Variants in PLXNA4 observed in about 807,000 individuals in gnomAD.
The protein encoded by PLXNA4 is plexin A4, also known as plexin-A4.
Under a neutral mutation model 191.8 loss-of-function variants are expected in PLXNA4, and 44 were observed. The observed-to-expected ratio is 0.23, with a 90% CI of 0.18 to 0.29. The LOEUF (loss-of-function observed/expected upper bound fraction) is 0.29. Ranked by LOEUF, PLXNA4 falls within the 10% of genes least tolerant of loss-of-function variation. The pLI, the probability that PLXNA4 is intolerant of heterozygous loss-of-function variation, is 1.00. For missense variants in PLXNA4, 1,800 were observed against 2,488.8 expected (o/e 0.72, Z 5.89); for synonymous variants, 1,082 against 1,009.5 (o/e 1.07, Z -1.36).
chr7:132,231,436 A>G (rs1249630050), intron 5 of PLXNA4, among the ~76,000 whole-genome samples: 1 of 151,856 alleles, frequency 6.6e-6, no homozygotes, highest in Non-Finnish European at 1.5e-5. Context: ...TTTTATTTTT[A>G]TTTTTTGAGA....
rs1311822845 is a variant in PLXNA4, at chr7:132,268,679, C to T, written c.1504-27513G>A. Among the ~76,000 whole-genome samples, 9 of 152,328 alleles carry T rather than the reference C, an allele frequency of 5.9e-5. No homozygotes were observed. The South Asian group carries it at 6.2e-4, about 11-fold the overall frequency. ...TATGGACTAATCTACTCCCACATGA[C>T]ATCTCAGACTGCTGGTGCCTCCAGG... is the stretch of plus-strand genomic sequence containing the variant. On this transcript the variant is annotated intron_variant, in intron 4 of 31. Coordinates refer to ENST00000321063, the MANE Select transcript of PLXNA4 (RefSeq NM_020911.2).
At chr7:132,339,854 C>A (rs1283712598) in intron 3 of PLXNA4, among the ~76,000 whole-genome samples, 2 of 152,122 alleles carry the variant, frequency 1.3e-5, no homozygotes, top group East Asian at 3.9e-4. Context: ...CTGGAAGTTT[C>A]TTTATAAAAA....
chr7:132,463,775 T>C (rs1222486605), intron 3 of PLXNA4, among the ~76,000 whole-genome samples: 2 of 152,222 alleles, frequency 1.3e-5, no homozygotes, highest in African/African-American at 4.8e-5. Flanking sequence ...ACAAAGATGC[T>C]GCAAGCCACC....
Position 132,489,378 on chromosome 7 carries a change from T to C in PLXNA4, c.1285A>G (p.Arg429Gly). ...GCGATGACAGACGTCATGCGGTCCC[T>C]GTCCTCCGTGAAGACGGGAATTCCA... ...VRGIPVFTED[R>G]DRMTSVIAYV... The change falls in exon 3 of 32, where the codon AGG becomes GGG. Residue 429 changes from arginine to glycine, a missense_variant. Arg to Gly is a moderately radical substitution (Grantham distance 125, BLOSUM62 -2). This residue lies in a region of PLXNA4 where 1,397 missense variants were observed against 1,880.4 expected (regional missense o/e 0.74). Transcript: ENST00000321063. 2 of 1,607,470 alleles carry C rather than the reference T, an allele frequency of 1.2e-6. No homozygotes were observed. The highest frequency in any genetic ancestry group is 1.7e-6 in the Non-Finnish European group (2 of 1,174,324).
At chr7:132,469,876 C>A (rs1796868161) in intron 3 of PLXNA4, among the ~76,000 whole-genome samples, 1 of 152,216 alleles carries the variant, frequency 6.6e-6, no homozygotes, top group Non-Finnish European at 1.5e-5. Context: ...TAAGCCTGGT[C>A]AGTCACAGTT....
chr7:132,293,992 A>G (rs1800985502), intron 4 of PLXNA4, among the ~76,000 whole-genome samples: 1 of 152,272 alleles, frequency 6.6e-6, no homozygotes, highest in Non-Finnish European at 1.5e-5. Context: ...GGGGTAACAC[A>G]CAAGTAAACT....
At chr7:132,626,290 GA>G (rs1803371359) in intron 2 of PLXNA4, among the ~76,000 whole-genome samples, 1 of 152,192 alleles carries the variant, frequency 6.6e-6, no homozygotes, top group African/African-American at 2.4e-5. Context: ...GCACAGCCCA[GA>G]TTCCCTCTCA....
In PLXNA4 at chr7:132,576,441, C is replaced by T. The variant is rs1802241996; in HGVS notation, c.-106G>A. On this transcript the variant is annotated 5_prime_UTR_variant, in exon 1 of 32. Transcript: ENST00000321063. The surrounding 1 kb of genome is among the most constrained non-coding windows in gnomAD (Gnocchi z 5.8). ...CCTTACCTGGACGCGCCGCGTTTCCCTCCTTCAGCGGGAGCGCCGCATTGA... is the reference window on the plus strand; with the variant it reads ...CCTTACCTGGACGCGCCGCGTTTCCTTCCTTCAGCGGGAGCGCCGCATTGA... 1.2e-5 allele frequency: 12 copies of T among 985,918 alleles called. No homozygotes were observed. The highest frequency in any genetic ancestry group is 1.3e-5 in the Non-Finnish European group (11 of 830,058). 61.1% of individuals were successfully genotyped at this position (985,918 alleles called of 1,614,324 possible).
At chr7:132,191,498 G>C (rs754487874) in intron 14 of PLXNA4, among the ~76,000 whole-genome samples, 1 of 152,156 alleles carries the variant, frequency 6.6e-6, no homozygotes, top group Non-Finnish European at 1.5e-5. Flanking sequence ...GGCCTGACTG[G>C]GGAAGCAGGG....
chr7:132,619,831 C>G (rs552540160), intron 2 of PLXNA4, among the ~76,000 whole-genome samples: 2 of 146,628 alleles, frequency 1.4e-5, no homozygotes, highest in Non-Finnish European at 3.1e-5. Flanking sequence ...GACGGAGTCT[C>G]GCTCTATTGC....
At chr7:132,379,760 G>C (rs1328256620) in intron 3 of PLXNA4, among the ~76,000 whole-genome samples, 5 of 152,130 alleles carry the variant, frequency 3.3e-5, no homozygotes, top group East Asian at 1.9e-4. Context: ...TAAAACCCAG[G>C]ATTCCCGAAT....
chr7:132,464,851 C>T (rs545369728), intron 3 of PLXNA4, among the ~76,000 whole-genome samples: 1 of 152,348 alleles, frequency 6.6e-6, no homozygotes, highest in East Asian at 1.9e-4. Context: ...AAAAAGATTC[C>T]TCAGATGGAA....
chr7:132,387,280 CA>C lies in PLXNA4; in HGVS notation c.1372-89059del, dbSNP rs1805191225. ...AGAATCTGCCTTTGCATAAAATTCCCAGGCAATTTGTATGCATGTGAAAGTT... is the reference window on the plus strand; with the variant it reads ...AGAATCTGCCTTTGCATAAAATTCCCGGCAATTTGTATGCATGTGAAAGTT... On this transcript the variant is annotated intron_variant, in intron 3 of 31. Coordinates refer to ENST00000321063, the MANE Select transcript of PLXNA4 (RefSeq NM_020911.2). Among the ~76,000 whole-genome samples, 3 of 152,224 alleles carry C rather than the reference CA, an allele frequency of 2.0e-5. No homozygotes were observed. The South Asian group carries it at 6.2e-4, about 32-fold the overall frequency.
intron 1 of PLXNA4, among the ~76,000 whole-genome samples, chr7:132,560,326 C>A (rs1251908498): frequency 1.3e-5 from 2 of 152,150 alleles, no homozygotes; most frequent in African/African-American, 4.8e-5. Flanking sequence ...CGGGATTGTT[C>A]TTTTTCCACT....
chr7:132,147,888 G>T lies in PLXNA4; in HGVS notation c.4864+12C>A. 6.2e-7 allele frequency: 1 copy of T among 1,614,064 alleles called. No individual in the cohort carries two copies. The highest frequency in any genetic ancestry group is 8.5e-7 in the Non-Finnish European group (1 of 1,179,982). On this transcript the variant is annotated intron_variant, in intron 27 of 31. Coordinates refer to ENST00000321063, the MANE Select transcript of PLXNA4 (RefSeq NM_020911.2). ...CACCCAGGCCTCCCTAGGACACTCG[G>T]TGGGATCTTACCATATTTACTTGCT...
At chr7:132,184,042 C>A (rs1477126995) in intron 16 of PLXNA4, among the ~76,000 whole-genome samples, 1 of 152,214 alleles carries the variant, frequency 6.6e-6, no homozygotes, top group African/African-American at 2.4e-5. Context: ...ATTCAGCCCA[C>A]GGACTGGAGT....
At chr7:132,321,344 C>T (rs943364301) in intron 3 of PLXNA4, among the ~76,000 whole-genome samples, 3 of 151,102 alleles carry the variant, frequency 2.0e-5, no homozygotes, top group Non-Finnish European at 2.9e-5. Flanking sequence ...GTTACCCTAG[C>T]GTGTCTGTGT....
intron 3 of PLXNA4, among the ~76,000 whole-genome samples, chr7:132,330,810 C>T (rs980859039): frequency 6.6e-6 from 1 of 152,158 alleles, no homozygotes; most frequent in African/African-American, 2.4e-5. Context: ...ACCCTGTGCA[C>T]CATGTATCCC....
intron 1 of PLXNA4, among the ~76,000 whole-genome samples, chr7:132,564,094 C>T (rs111066462): frequency 1 from 69,136 of 69,476 alleles, 34,403 homozygotes; most frequent in Middle Eastern, 1. Context: ...TCTCTTCCTC[C>T]TCCTCCTCCT....
Sources: gnomAD v4.1 joint callset for allele counts (sites outside exome capture counted in the v4.1 genomes callset) on GRCh38, gnomAD v4.1.1 for gene constraint, gnomAD v4.1.1 regional missense constraint, Gnocchi (gnomAD v3.1) non-coding constraint, MANE v1.5 for transcripts, NCBI Gene and HGNC (gene_info 2026-07-23, HGNC 2026-07-21) for gene names.